The following PTK2 variants were observed in gnomAD, a reference collection of about 807,000 sequenced individuals.
PTK2 encodes protein tyrosine kinase 2.
Under a neutral mutation model 150.1 loss-of-function variants are expected in PTK2, and 45 were observed. That is an observed-to-expected ratio of 0.30 (90% CI 0.24 to 0.38). The LOEUF (loss-of-function observed/expected upper bound fraction) is 0.38, where lower values mean the gene tolerates loss of function less well. PTK2 is among the 10% of genes least tolerant of loss of function. PTK2 has a pLI of 1.00. For missense variants in PTK2, 919 were observed against 1,307.3 expected, an observed-to-expected ratio of 0.70 and a Z score of 4.58; for synonymous variants, 432 against 449.2, an observed-to-expected ratio of 0.96 and a Z score of 0.48.
At chr8:140,740,977 T>C (rs1208929779) in intron 20 of PTK2, among the ~76,000 whole-genome samples, 3 of 151,650 alleles carry the variant, frequency 2.0e-5, no homozygotes, top group African/African-American at 7.3e-5. Context: ...ATCTCATCTC[T>C]ACAAAAAAAT....
At chr8:140,942,865 G>A (rs1280487363) in intron 1 of PTK2, among the ~76,000 whole-genome samples, 3 of 152,072 alleles carry the variant, frequency 2.0e-5, no homozygotes, top group Admixed American at 6.6e-5. Context: ...TGGATCACGG[G>A]GGCGTATTCC....
chr8:140,893,267 T>C (rs963935113), intron 2 of PTK2, among the ~76,000 whole-genome samples: 6 of 152,156 alleles, frequency 3.9e-5, no homozygotes, highest in African/African-American at 1.4e-4. Flanking sequence ...GCTGTGATCA[T>C]GCCATTGTAC....
At chr8:140,736,094 A>G (rs920156113) in intron 21 of PTK2, among the ~76,000 whole-genome samples, 2 of 152,244 alleles carry the variant, frequency 1.3e-5, no homozygotes, top group Non-Finnish European at 2.9e-5. Context: ...GGGAAATCCA[A>G]TACTTTCTTA....
chr8:140,833,941 G>T (rs2100117085), intron 7 of PTK2, among the ~76,000 whole-genome samples: 1 of 152,180 alleles, frequency 6.6e-6, no homozygotes, highest in African/African-American at 2.4e-5. Context: ...TATTAGGTTA[G>T]AACTGTGTTG....
At chr8:140,999,297 T>A (rs1247378017) in intron 1 of PTK2, among the ~76,000 whole-genome samples, 1 of 152,250 alleles carries the variant, frequency 6.6e-6, no homozygotes, top group Non-Finnish European at 1.5e-5. Context: ...AGGAAGCATG[T>A]GTTTTAAATA....
chr8:140,975,626 GA>G (rs1169858661), intron 1 of PTK2, among the ~76,000 whole-genome samples: 1 of 152,140 alleles, frequency 6.6e-6, no homozygotes, highest in Non-Finnish European at 1.5e-5. Flanking sequence ...AAGAAAGGAA[GA>G]AAAAATTAGA....
chr8:140,665,850 A>T (rs1220283207), intron 30 of PTK2, among the ~76,000 whole-genome samples: 1 of 152,236 alleles, frequency 6.6e-6, no homozygotes, highest in Non-Finnish European at 1.5e-5. Context: ...TGAGTTGTTT[A>T]AACTTGGCTG....
intron 8 of PTK2, among the ~76,000 whole-genome samples, chr8:140,823,170 CA>C: frequency 6.6e-6 from 1 of 152,264 alleles, no homozygotes; most frequent in South Asian, 2.1e-4. Context: ...AACACAATGA[CA>C]AAACATTTCT....
At chr8:140,968,104 GCA>G (rs988515007) in intron 1 of PTK2, among the ~76,000 whole-genome samples, 121 of 152,250 alleles carry the variant, frequency 7.9e-4, no homozygotes, top group African/African-American at 2.8e-3. Context: ...CACTATCTCT[GCA>G]CTGATGCTTA....
At chr8:140,825,219 G>C (rs2100111115) in intron 8 of PTK2, among the ~76,000 whole-genome samples, 1 of 152,142 alleles carries the variant, frequency 6.6e-6, no homozygotes, top group Non-Finnish European at 1.5e-5. Context: ...CAGATGATAA[G>C]CTCTGTAAGC....
chr8:140,888,067 A>G (rs544179713), intron 3 of PTK2, among the ~76,000 whole-genome samples: 22 of 152,192 alleles, frequency 1.4e-4, no homozygotes, highest in Non-Finnish European at 2.8e-4. Flanking sequence ...AAGTAATTAT[A>G]CTTGGATTCT....
intron 5 of PTK2, among the ~76,000 whole-genome samples, chr8:140,850,965 T>C (rs887431775): frequency 2.6e-5 from 4 of 152,240 alleles, no homozygotes; most frequent in Non-Finnish European, 4.4e-5. Context: ...TTGTGTTTTA[T>C]TGTGGTCTCT....
At chr8:140,800,307 GA>G (rs1566637317) in intron 12 of PTK2, 151 bp downstream of exon 12, 5 of 688,978 alleles carry the variant, frequency 7.3e-6, no homozygotes, top group Non-Finnish European at 1.3e-5. Flanking sequence ...ACCATCCCTA[GA>G]AAAATAAGTC....
intron 1 of PTK2, among the ~76,000 whole-genome samples, chr8:140,999,116 T>C (rs1435199365): frequency 6.6e-6 from 1 of 152,226 alleles, no homozygotes; most frequent in East Asian, 1.9e-4. Context: ...CCATCTCCTC[T>C]CAGAGTTTGC....
chr8:140,686,696 T>G lies in PTK2; in HGVS notation c.2500-2A>C, dbSNP rs1273962002. 6.2e-7 allele frequency: 1 copy of G among 1,612,680 alleles called. No homozygotes were observed. The highest frequency in any genetic ancestry group is 1.7e-5 in the Admixed American group (1 of 59,858). On this transcript the variant is annotated splice_acceptor_variant, in intron 26 of 31. Transcript: ENST00000522684. LOFTEE classifies it high-confidence loss of function. Reference sequence around the variant, plus strand: ...TCGAGAGAGTCTCACATCAGGTTTCTGAAGAAATTAAAACAAAATCAAAAC... The same window carrying G: ...TCGAGAGAGTCTCACATCAGGTTTCGGAAGAAATTAAAACAAAATCAAAAC...
intron 27 of PTK2, among the ~76,000 whole-genome samples, chr8:140,682,883 A>G (rs1443728153): frequency 6.6e-6 from 1 of 152,140 alleles, no homozygotes; most frequent in Non-Finnish European, 1.5e-5. Flanking sequence ...AGTGCTAAAC[A>G]TCTACAACAA....
At chr8:140,885,945 C>A (rs1278498204) in intron 3 of PTK2, among the ~76,000 whole-genome samples, 1 of 152,010 alleles carries the variant, frequency 6.6e-6, no homozygotes, top group Non-Finnish European at 1.5e-5. Context: ...GGGTTGTCAA[C>A]AGACTAAGGA....
intron 1 of PTK2, among the ~76,000 whole-genome samples, chr8:140,956,137 A>C (rs984850774): frequency 5.3e-5 from 8 of 152,266 alleles, no homozygotes; most frequent in Non-Finnish European, 1.2e-4. Flanking sequence ...AGAAAGATCT[A>C]AAGATACCAA....
At chr8:140,851,759 TGAA>T (rs1396934243) in intron 5 of PTK2, among the ~76,000 whole-genome samples, 2 of 151,044 alleles carry the variant, frequency 1.3e-5, no homozygotes, top group East Asian at 3.9e-4. Context: ...CACGGGAGGC[TGAA>T]GAAGGAGAAT....
Sources: gnomAD v4.1 joint callset for allele counts (sites outside exome capture counted in the v4.1 genomes callset) on GRCh38, gnomAD v4.1.1 for gene constraint, MANE v1.5 for transcripts, NCBI Gene and HGNC (gene_info 2026-07-23, HGNC 2026-07-21) for gene names.